The following EML3 variants were observed in gnomAD, a reference collection of about 807,000 sequenced individuals.
EML3 encodes the protein EMAP like 3.
EML3 carries 53 observed loss-of-function variants against 106.7 expected under a neutral mutation model. That is an observed-to-expected ratio of 0.50 (90% CI 0.40 to 0.62). EML3 has a LOEUF of 0.62. Among genes scored for constraint, EML3 ranks in the 20% least tolerant of loss-of-function variants. EML3 has a pLI of 0.00. For synonymous variants in EML3, 499 were observed against 489.6 expected (o/e 1.02, Z -0.25); for missense variants, 994 against 1,209.1 (o/e 0.82, Z 2.64).
In EML3 at chr11:62,605,063, C is replaced by T. The variant is rs1471415985; in HGVS notation, c.1982+50G>A. The T allele has an allele frequency of 6.4e-7, 1 of 1,571,266 alleles. No homozygotes were observed. The highest frequency in any genetic ancestry group is 8.6e-7 in the Non-Finnish European group (1 of 1,156,174). On this transcript the variant is annotated intron_variant, in intron 16 of 21. Coordinates refer to ENST00000394773, the MANE Select transcript of EML3 (RefSeq NM_153265.3). This position sits in a 1 kb window ranked among gnomAD's most constrained non-coding sequence, Gnocchi z 5.2. ...GCCCACTCCCCCAGTACCAGGAACC[C>T]TTCCCAGTCCTCCCTGCTTTCCCTC...
Position 62,612,685 on chromosome 11 carries a change from G to A in EML3, c.-228C>T. The A allele has an allele frequency of 2.6e-6, 1 of 378,086 alleles. No homozygotes were observed. Among genetic ancestry groups the A allele is most frequent in the Non-Finnish European group, 4.6e-6 (1 of 215,334 alleles). 23.4% of individuals were successfully genotyped at this position (378,086 alleles called of 1,614,324 possible). ...CGGGCCCTCGGACTCTCCCGGGGCC[G>A]CTCTCGGCTCCCGGGGGTGGGGTGG... On this transcript the variant is annotated 5_prime_UTR_variant, in exon 1 of 22. Transcript: ENST00000394773.
In EML3 at chr11:62,607,068, A is replaced by C. The variant is rs1306969057; in HGVS notation, c.1394T>G (p.Phe465Cys). The C allele has an allele frequency of 6.2e-7, 1 of 1,614,124 alleles. No individual in the cohort carries two copies. Among genetic ancestry groups the C allele is most frequent in the Non-Finnish European group, 8.5e-7 (1 of 1,179,992 alleles). ...KYKKPKFIPC[F>C]VFLPDGDILT... ...AATGTCTCCATCCGGAAGGAACACA[A>C]AGCAAGGGATAAACTTGGGTTTCTT... The change falls in exon 12 of 22, where the codon TTT (phenylalanine) becomes TGT (cysteine). Residue 465 changes from phenylalanine to cysteine, a missense_variant. Around this residue, in one of 3 missense-constraint regions of EML3, gnomAD observed 713 missense variants for 920.5 expected, o/e 0.77. Coordinates refer to ENST00000394773, the MANE Select transcript of EML3 (RefSeq NM_153265.3).
rs1356148614 is a variant in EML3, at chr11:62,612,539, G to A, written c.-82C>T. 7 of 1,295,380 alleles carry A rather than the reference G, an allele frequency of 5.4e-6. No homozygotes were observed. The highest frequency in any genetic ancestry group is 1.6e-5 in the African/African-American group (1 of 63,702). The allele number at this position is 1,295,380 out of a possible 1,614,324, so 80.2% of individuals were successfully genotyped here. Reference sequence around the variant, plus strand: ...GCCACGGCCGGGGAGAGGGGAAGGGGAAGCACCCCGGGGCGCGCGCGAAGG... The same window carrying A: ...GCCACGGCCGGGGAGAGGGGAAGGGAAAGCACCCCGGGGCGCGCGCGAAGG... On this transcript the variant is annotated 5_prime_UTR_variant, in exon 1 of 22. Transcript: ENST00000394773.
chr11:62,602,723 C>T (rs760071413), intron 21 of EML3, 36 bp downstream of exon 21: 5 of 1,604,756 alleles, frequency 3.1e-6, no homozygotes, highest in Admixed American at 3.4e-5. Context: ...GCCCTCGGGC[C>T]CACCGGTCCC....
At chr11:62,609,824 G>A (rs187412071) in intron 4 of EML3, 128 bp from the exon 5 acceptor site, 42 of 752,104 alleles carry the variant, frequency 5.6e-5, no homozygotes, top group East Asian at 8.2e-5. Context: ...AGTTTGCTTC[G>A]TGAGTATCAG....
At position 62,602,643 on chromosome 11, in the gene EML3, G is replaced by A. The variant is rs1942288822; in HGVS notation, c.2523C>T (p.His841=). The change falls in exon 22 of 22, where the codon CAC becomes CAT. Residue 841 remains histidine, a synonymous_variant. Transcript: ENST00000394773. ...CGTGCGTGAATCGGACGCTGGTCAC[G>A]TGGCTGCCGTGGCCCCCGTACATGC... ...PSRMYGGHGS[H]VTSVRFTHDD... 6.3e-7 allele frequency: 1 copy of A among 1,592,780 alleles called. No individual in the cohort carries two copies. Among genetic ancestry groups the A allele is most frequent in the Non-Finnish European group, 8.5e-7 (1 of 1,173,116 alleles).
chr11:62,603,650 A>T, intron 19 of EML3, 79 bp downstream of exon 19: 1 of 1,245,940 alleles, frequency 8.0e-7, no homozygotes. Flanking sequence ...TCCTTATCTA[A>T]CAACACCTCT....
chr11:62,604,316 AC>A, intron 16 of EML3, 115 bp from the exon 17 acceptor site: 1 of 756,594 alleles, frequency 1.3e-6, no homozygotes, highest in Non-Finnish European at 2.3e-6. Context: ...AAGCTCAGAG[AC>A]ACACACAGAA....
In EML3 at chr11:62,611,328, C is replaced by G; in HGVS notation, c.211G>C (p.Gly71Arg). The G allele has an allele frequency of 6.2e-7, 1 of 1,612,992 alleles. No homozygotes were observed. Among genetic ancestry groups the G allele is most frequent in the Non-Finnish European group, 8.5e-7 (1 of 1,179,822 alleles). Residue 71 changes from glycine (G) to arginine (R), a missense_variant, in exon 3 of 22, where the codon GGA becomes CGA. Gly to Arg is a moderately radical substitution (Grantham distance 125). This residue lies in a region of EML3 where 269 missense variants were observed against 265.1 expected (regional missense o/e 1.01). Coordinates refer to ENST00000394773, the MANE Select transcript of EML3 (RefSeq NM_153265.3). The part of the protein sequence containing the change: ...PPGDSLAAPP[G>R]LPPTCTPSLV... ...GAAGGGGTGCACGTGGGTGGCAGTC[C>G]TGGGGGGGCTGCAAGACTGCTGGAG...
At chr11:62,603,325 A>G in intron 19 of EML3, 78 bp from the exon 20 acceptor site, 1 of 1,386,470 alleles carries the variant, frequency 7.2e-7, no homozygotes, top group Non-Finnish European at 1.0e-6. Flanking sequence ...CCAGACTGGA[A>G]AGACTGGCAT....
intron 16 of EML3, chr11:62,604,887 C>T: frequency 2.5e-6 from 1 of 399,432 alleles, no homozygotes; most frequent in Non-Finnish European, 4.6e-6. Flanking sequence ...CTGCCTCCTC[C>T]ACTCCCAGGC....
rs35971607 is a variant in EML3 at position 62,609,085 on chromosome 11, C to T, written c.806G>A (p.Arg269His). ...RDSRSNLFVL[R>H]SGEVVYFIAC... ...GATAAAGTAGACCACCTCCCCAGAG[C>T]GCAACACAAACAGATTAGAGCGGGA... The change falls in exon 7 of 22, where the codon CGC becomes CAC. Residue 269 changes from arginine to histidine, a missense_variant. Physicochemically the swap from Arg to His is conservative, Grantham distance 29 (BLOSUM62 0). This residue lies in a region of EML3 where 713 missense variants were observed against 920.5 expected (regional missense o/e 0.77). Coordinates refer to ENST00000394773, the MANE Select transcript of EML3 (RefSeq NM_153265.3). The T allele has an allele frequency of 1.9e-3, 3,038 of 1,614,104 alleles. 6 individuals carry two copies. The highest frequency in any genetic ancestry group is 2.1e-3 in the Non-Finnish European group (2,466 of 1,180,034).
rs1196546003 is a variant in EML3, at chr11:62,612,493, G to A, written c.-36C>T. 5.7e-6 allele frequency: 8 copies of A among 1,398,130 alleles called. No individual in the cohort carries two copies. Among genetic ancestry groups the A allele is most frequent in the Non-Finnish European group, 7.4e-6 (8 of 1,083,606 alleles). 86.6% of individuals were successfully genotyped at this position (1,398,130 alleles called of 1,614,324 possible). A position where few individuals can be genotyped will look rare whatever the true frequency, so the allele number is the denominator to read the frequency against. On this transcript the variant is annotated 5_prime_UTR_variant, in exon 1 of 22. Transcript: ENST00000394773. ...GGTTGCTCCGAGCGGCGGCGGCGGAGGAGGCGTCTAAGCCGCGGGGGCCAC... is the reference window on the plus strand; with the variant it reads ...GGTTGCTCCGAGCGGCGGCGGCGGAAGAGGCGTCTAAGCCGCGGGGGCCAC...
chr11:62,605,474 G>T lies in EML3; in HGVS notation c.1914+168C>A. The T allele has an allele frequency of 9.8e-7, 1 of 1,021,432 alleles. No individual in the cohort carries two copies. The highest frequency in any genetic ancestry group is 2.8e-5 in the Admixed American group (1 of 35,396). 63.3% of individuals were successfully genotyped at this position (1,021,432 alleles called of 1,614,324 possible). A position where few individuals can be genotyped will look rare whatever the true frequency, so the allele number is the denominator to read the frequency against. Reference sequence around the variant, plus strand: ...TGCCCAGGTGGTACTAGAAGCATCAGCTTTTACCAGTCAGTACAGAAAAAT... The same window carrying T: ...TGCCCAGGTGGTACTAGAAGCATCATCTTTTACCAGTCAGTACAGAAAAAT... On this transcript the variant is annotated intron_variant, in intron 15 of 21. Coordinates refer to ENST00000394773, the MANE Select transcript of EML3 (RefSeq NM_153265.3). The surrounding 1 kb of genome is among the most constrained non-coding windows in gnomAD (Gnocchi z 5.2).
Position 62,602,413 on chromosome 11 carries a change from CAGGGA to C in EML3, c.*57_*61del. 6.5e-7 allele frequency: 1 copy of C among 1,543,716 alleles called. No individual in the cohort carries two copies. The highest frequency in any genetic ancestry group is 8.8e-7 in the Non-Finnish European group (1 of 1,142,730). Reference sequence around the variant, plus strand: ...GGCCCCTAGTCGTGGGGGATTGGGCCAGGGAAGGGCAGGGCGGGGCGGGGCCACGC... The same window carrying C: ...GGCCCCTAGTCGTGGGGGATTGGGCCAGGGCAGGGCGGGGCGGGGCCACGC... On this transcript the variant is annotated 3_prime_UTR_variant, in exon 22 of 22. Transcript: ENST00000394773.
At position 62,608,252 on chromosome 11, in the gene EML3, G is replaced by A; in HGVS notation, c.1155C>T (p.His385=). 3 of 1,613,976 alleles carry A rather than the reference G, an allele frequency of 1.9e-6. No individual in the cohort carries two copies. The highest frequency in any genetic ancestry group is 2.5e-6 in the Non-Finnish European group (3 of 1,180,034). ...FLCVVDDSNE[H]MLSVWDCSRG... Reference sequence around the variant, plus strand: ...GGCTGCAGTCCCACACCGACAGCATGTGCTCATTGGAATCATCCACCACAC... The same window carrying A: ...GGCTGCAGTCCCACACCGACAGCATATGCTCATTGGAATCATCCACCACAC... The change falls in exon 10 of 22, where the codon CAC becomes CAT. Residue 385 remains histidine, a synonymous_variant. Coordinates refer to ENST00000394773, the MANE Select transcript of EML3 (RefSeq NM_153265.3).
intron 16 of EML3, 60 bp from the exon 17 acceptor site, chr11:62,604,261 C>A (rs1167805496): frequency 1.3e-6 from 2 of 1,503,432 alleles, no homozygotes; most frequent in Non-Finnish European, 1.8e-6. Flanking sequence ...TAAGGAGACC[C>A]CCAGGGAGGC....
Position 62,604,007 on chromosome 11 carries a change from G to A in EML3, c.2106C>T (p.Asn702=), listed in dbSNP as rs1276345329. 5.0e-6 allele frequency: 8 copies of A among 1,614,122 alleles called. No individual in the cohort carries two copies. The highest frequency in any genetic ancestry group is 1.7e-5 in the Admixed American group (1 of 60,022). ...TGGAAACACTATAGATGTAGATCAC[G>A]TTGTCATGGGAACCAATGGCCAGGT... ...GLYLAIGSHD[N]VIYIYSVSSD... The change falls in exon 18 of 22, where the codon AAC becomes AAT. Residue 702 remains asparagine (N), a synonymous_variant. Transcript: ENST00000394773.
intron 18 of EML3, 55 bp from the exon 19 acceptor site, chr11:62,603,871 G>A: frequency 4.3e-6 from 7 of 1,610,670 alleles, no homozygotes; most frequent in Non-Finnish European, 5.9e-6. Flanking sequence ...CATCCCCAGA[G>A]CCCCCTTGAT....
Sources: allele counts gnomAD v4.1 joint callset, GRCh38; gene constraint gnomAD v4.1.1; regional missense constraint gnomAD v4.1.1; non-coding constraint Gnocchi (gnomAD v3.1); transcripts MANE v1.5; gene names NCBI Gene and HGNC (gene_info 2026-07-23, HGNC 2026-07-21).